The following GABRB2 variants were observed in gnomAD, a reference collection of about 807,000 sequenced individuals.
GABRB2 encodes gamma-aminobutyric acid type A receptor subunit beta2.
GABRB2 carries 16 observed loss-of-function variants against 54.7 expected under a neutral mutation model. The observed-to-expected ratio is 0.29, with a 90% CI of 0.20 to 0.44. The LOEUF is 0.44. Among genes scored for constraint, GABRB2 ranks in the 20% least tolerant of loss-of-function variants. The pLI is 1.00. For synonymous variants in GABRB2, 244 were observed against 233.8 expected, an observed-to-expected ratio of 1.04 and a Z score of -0.40; for missense variants, 355 against 644.0, an observed-to-expected ratio of 0.55 and a Z score of 4.86.
intron 4 of GABRB2, 151 bp downstream of exon 4, chr5:161,459,473 T>C (rs1758056623): frequency 4.4e-6 from 3 of 679,406 alleles, no homozygotes; most frequent in East Asian, 2.7e-5. Context: ...CATGCTACCT[T>C]AAGCTCTCAA....
chr5:161,388,390 C>T (rs756282384), intron 5 of GABRB2, among the ~76,000 whole-genome samples: 4 of 152,010 alleles, frequency 2.6e-5, no homozygotes, highest in Non-Finnish European at 4.4e-5. Flanking sequence ...AAATTTATTA[C>T]TTATAGCCTA....
chr5:161,538,324 T>C (rs1760706196), intron 3 of GABRB2, among the ~76,000 whole-genome samples: 1 of 152,090 alleles, frequency 6.6e-6, no homozygotes, highest in Non-Finnish European at 1.5e-5. Context: ...ATAAACATGA[T>C]GGAGGAAGAC....
intron 5 of GABRB2, among the ~76,000 whole-genome samples, chr5:161,342,537 C>A (rs1185876826): frequency 6.6e-6 from 1 of 152,030 alleles, no homozygotes; most frequent in African/African-American, 2.4e-5. Context: ...GGAAAACCTG[C>A]AATAAATAAT....
chr5:161,461,110 A>G (rs1281368365), intron 3 of GABRB2, among the ~76,000 whole-genome samples: 1 of 152,202 alleles, frequency 6.6e-6, no homozygotes, highest in Non-Finnish European at 1.5e-5. Flanking sequence ...ATGCATATTT[A>G]AAATAGATTG....
At position 161,487,255 on chromosome 5, in the gene GABRB2, T is replaced by C. The variant is rs372431191; in HGVS notation, c.238-27411A>G. 2.9e-3 allele frequency among the ~76,000 whole-genome samples: 442 copies of C among 152,088 alleles called. 1 individual carries two copies. The highest frequency in any genetic ancestry group is 5.1e-3 in the Non-Finnish European group (345 of 67,936). On this transcript the variant is annotated intron_variant, in intron 3 of 9. Transcript: ENST00000393959. ...TTTTTAGCTCATTATAGCACTTTCATTGATATATATAAAACAATCCTAGAT... is the reference window on the plus strand; with the variant it reads ...TTTTTAGCTCATTATAGCACTTTCACTGATATATATAAAACAATCCTAGAT...
intron 5 of GABRB2, among the ~76,000 whole-genome samples, chr5:161,408,184 C>T (rs1279816600): frequency 2.6e-5 from 4 of 151,894 alleles, no homozygotes; most frequent in South Asian, 2.1e-4. Flanking sequence ...TGAGTGCTGG[C>T]GTGACACTCA....
At chr5:161,459,401 G>A (rs1424049428) in intron 4 of GABRB2, 1 of 566,224 alleles carries the variant, frequency 1.8e-6, no homozygotes, top group Middle Eastern at 4.8e-4. Context: ...AGGATCAGCA[G>A]CTGATATTGG....
intron 4 of GABRB2, among the ~76,000 whole-genome samples, chr5:161,447,398 A>C (rs1039468289): frequency 6.6e-6 from 1 of 152,150 alleles, no homozygotes; most frequent in Non-Finnish European, 1.5e-5. Flanking sequence ...AGTTTCTCTT[A>C]GTTGTCAGCC....
intron 3 of GABRB2, among the ~76,000 whole-genome samples, chr5:161,505,937 A>G (rs1357028623): frequency 6.6e-6 from 1 of 152,218 alleles, no homozygotes; most frequent in African/African-American, 2.4e-5. Flanking sequence ...TGCATTAGAA[A>G]TTAAAGCCAA....
intron 4 of GABRB2, among the ~76,000 whole-genome samples, chr5:161,456,051 T>C (rs1387523151): frequency 6.6e-6 from 1 of 152,192 alleles, no homozygotes; most frequent in African/African-American, 2.4e-5. Context: ...CCAATCTTTG[T>C]TTGTCTTAAT....
At chr5:161,440,839 G>T (rs763216504) in intron 4 of GABRB2, among the ~76,000 whole-genome samples, 22 of 152,208 alleles carry the variant, frequency 1.4e-4, no homozygotes, top group Non-Finnish European at 3.1e-4. Context: ...ACCCATTTTT[G>T]ACAAAGGTGC....
At chr5:161,343,166 T>C (rs761767265) in intron 5 of GABRB2, among the ~76,000 whole-genome samples, 2 of 152,102 alleles carry the variant, frequency 1.3e-5, no homozygotes, top group Non-Finnish European at 2.9e-5. Context: ...CTCTGACTCC[T>C]TAATTGCATC....
intron 3 of GABRB2, among the ~76,000 whole-genome samples, chr5:161,485,793 C>T (rs1758904119): frequency 6.6e-6 from 1 of 151,870 alleles, no homozygotes; most frequent in Non-Finnish European, 1.5e-5. Context: ...TCTGCAACTC[C>T]TATTGTAGCA....
intron 5 of GABRB2, among the ~76,000 whole-genome samples, chr5:161,376,982 A>G (rs1053639607): frequency 6.6e-6 from 1 of 152,114 alleles, no homozygotes. Flanking sequence ...AATAAAAAGT[A>G]GGAATGGAAC....
At chr5:161,474,925 T>C (rs1758550135) in intron 3 of GABRB2, among the ~76,000 whole-genome samples, 1 of 151,942 alleles carries the variant, frequency 6.6e-6, no homozygotes, top group Non-Finnish European at 1.5e-5. Flanking sequence ...GTGCATCTAA[T>C]TATAATGTCT....
intron 3 of GABRB2, among the ~76,000 whole-genome samples, chr5:161,463,316 A>C (rs867309232): frequency 6.6e-4 from 72 of 109,280 alleles, no homozygotes; most frequent in African/African-American, 2.3e-3. Context: ...GTACACACAC[A>C]CCACACACAC....
At chr5:161,378,372 T>G (rs1755369702) in intron 5 of GABRB2, among the ~76,000 whole-genome samples, 1 of 152,172 alleles carries the variant, frequency 6.6e-6, no homozygotes, top group East Asian at 1.9e-4. Context: ...CTAGATGAAT[T>G]AAGCCATTGT....
At chr5:161,415,923 T>TTTTGC (rs1756652905) in intron 4 of GABRB2, among the ~76,000 whole-genome samples, 1 of 7,404 alleles carries the variant, frequency 1.4e-4, no homozygotes, top group Non-Finnish European at 2.4e-4. Flanking sequence ...CCAAGTTTGT[T>TTTTGC]TTTGTTTTGT....
chr5:161,420,138 A>G (rs1221496050), intron 4 of GABRB2, among the ~76,000 whole-genome samples: 1 of 152,068 alleles, frequency 6.6e-6, no homozygotes, highest in African/African-American at 2.4e-5. Flanking sequence ...ATATCTCTCT[A>G]ATATTTTATT....
Sources: allele counts gnomAD v4.1 joint callset (sites outside exome capture counted in the v4.1 genomes callset), GRCh38; gene constraint gnomAD v4.1.1; transcripts MANE v1.5; gene names NCBI Gene and HGNC (gene_info 2026-07-23, HGNC 2026-07-21).